The following NEBL variants were observed in gnomAD, a reference collection of about 807,000 sequenced individuals.
NEBL encodes LIM and SH3 protein 2.
Under a neutral mutation model 140.2 loss-of-function variants are expected in NEBL, and 122 were observed. The observed-to-expected ratio is 0.87, with a 90% CI of 0.75 to 1.01. NEBL has a LOEUF of 1.01. Ranked by LOEUF, NEBL falls within the 50% of genes least tolerant of loss-of-function variation. NEBL has a pLI of 0.00. For synonymous variants in NEBL, 436 were observed against 398.9 expected, an observed-to-expected ratio of 1.09 and a Z score of -1.11; for missense variants, 1,365 against 1,231.3, an observed-to-expected ratio of 1.11 and a Z score of -1.62.
intron 1 of NEBL, 32 bp from the exon 2 acceptor site, chr10:20,897,061 ACATTTTTCT>A: frequency 6.2e-7 from 1 of 1,604,768 alleles, no homozygotes; most frequent in Non-Finnish European, 8.5e-7. Context: ...AACAGAAAGA[ACATTTTTCT>A]CATTGTCAAT....
At chr10:21,129,715 TA>T (rs566164558) in intron 2 of NEBL, among the ~76,000 whole-genome samples, 30 of 145,186 alleles carry the variant, frequency 2.1e-4, no homozygotes, top group Middle Eastern at 3.4e-3. Context: ...GGGCAACCAC[TA>T]AAAAAAAAAT....
chr10:20,958,569 AC>A (rs1835912848), intron 4 of NEBL, among the ~76,000 whole-genome samples: 1 of 151,986 alleles, frequency 6.6e-6, no homozygotes, highest in African/African-American at 2.4e-5. Flanking sequence ...AAGCAACCAA[AC>A]CCCATCTGAA....
chr10:21,112,264 C>G (rs1838050218), intron 2 of NEBL, among the ~76,000 whole-genome samples: 1 of 152,194 alleles, frequency 6.6e-6, no homozygotes, highest in African/African-American at 2.4e-5. Context: ...TATTATAAAT[C>G]ATGCTACTAC....
intron 4 of NEBL, among the ~76,000 whole-genome samples, chr10:20,936,856 C>T (rs1430964214): frequency 2.0e-5 from 3 of 152,172 alleles, no homozygotes; most frequent in Non-Finnish European, 4.4e-5. Flanking sequence ...TGGGTCGATT[C>T]CTTTTCAGCA....
At chr10:21,197,763 A>T (rs567989361) in intron 3 of NEBL, among the ~76,000 whole-genome samples, 3 of 152,194 alleles carry the variant, frequency 2.0e-5, no homozygotes, top group Admixed American at 1.3e-4. Flanking sequence ...CCTTTGAGAT[A>T]TTCTTCCAGG....
intron 3 of NEBL, among the ~76,000 whole-genome samples, chr10:21,003,653 T>C (rs892117273): frequency 6.6e-6 from 1 of 152,186 alleles, no homozygotes; most frequent in East Asian, 1.9e-4. Flanking sequence ...TCGACTTCGG[T>C]TGTACACATC....
At chr10:21,023,022 G>A (rs1208621142) in intron 2 of NEBL, among the ~76,000 whole-genome samples, 1 of 152,246 alleles carries the variant, frequency 6.6e-6, no homozygotes, top group African/African-American at 2.4e-5. Context: ...AAGTTAGGCA[G>A]ACAACTCTGG....
In NEBL at chr10:20,817,154, C is replaced by T. The variant is rs538313294; in HGVS notation, c.2148+446G>A. 4.6e-5 allele frequency among the ~76,000 whole-genome samples: 7 copies of T among 152,128 alleles called. No homozygotes were observed. The East Asian group carries it at 7.7e-4, about 17-fold the overall frequency. On this transcript the variant is annotated intron_variant, in intron 21 of 27. Coordinates refer to ENST00000377122, the MANE Select transcript of NEBL (RefSeq NM_006393.3). ...CAGCACTTTGGGAGGCCAAGGTGGC[C>T]GGATTGCATGAGCTCAGGAGTTTGA...
chr10:21,055,949 C>A (rs1835005261), intron 2 of NEBL, among the ~76,000 whole-genome samples: 1 of 152,194 alleles, frequency 6.6e-6, no homozygotes, highest in African/African-American at 2.4e-5. Flanking sequence ...GCTACACGGG[C>A]AAATGCTTTG....
rs1835420875 is a variant in NEBL at position 20,786,509 on chromosome 10, G to C, written c.2869-586C>G. 3.3e-5 allele frequency among the ~76,000 whole-genome samples: 5 copies of C among 152,062 alleles called. No homozygotes were observed. The South Asian group carries it at 1.0e-3, about 32-fold the overall frequency. ...GATTATAATGAGTTTTCCTATATTT[G>C]TTTTTGTTTAAGGCTAAGCATTTAG... On this transcript the variant is annotated intron_variant, in intron 27 of 27. Transcript: ENST00000377122.
At chr10:21,036,196 C>G (rs1201423749) in intron 2 of NEBL, among the ~76,000 whole-genome samples, 2 of 152,022 alleles carry the variant, frequency 1.3e-5, no homozygotes, top group Non-Finnish European at 2.9e-5. Context: ...CACAGTGGCT[C>G]ATGCCTAAAA....
intron 1 of NEBL, among the ~76,000 whole-genome samples, chr10:21,279,291 T>A (rs932126842): frequency 0.035 from 5,166 of 146,320 alleles, 314 homozygotes; most frequent in African/African-American, 0.12. Flanking sequence ...TTTTTTCAAT[T>A]TTTTTTTTTT....
intron 3 of NEBL, among the ~76,000 whole-genome samples, chr10:20,978,348 C>T (rs1393615669): frequency 6.6e-6 from 1 of 151,178 alleles, no homozygotes; most frequent in Non-Finnish European, 1.5e-5. Context: ...GAATAGAGAG[C>T]TTATTCAAGT....
chr10:21,269,117 G>C (rs1449681019), intron 1 of NEBL, among the ~76,000 whole-genome samples: 1 of 152,194 alleles, frequency 6.6e-6, no homozygotes, highest in Admixed American at 6.5e-5. Context: ...GCACAACAGA[G>C]CAATGGAAGA....
At chr10:20,959,196 G>A (rs560895613) in intron 4 of NEBL, among the ~76,000 whole-genome samples, 2 of 152,062 alleles carry the variant, frequency 1.3e-5, no homozygotes, top group Non-Finnish European at 2.9e-5. Context: ...AAAGACTGCC[G>A]ATCTTAGTTA....
chr10:21,126,975 A>C (rs1418202887), intron 2 of NEBL, among the ~76,000 whole-genome samples: 3 of 74,744 alleles, frequency 4.0e-5, no homozygotes, highest in African/African-American at 2.6e-4. Context: ...ACCCTGTATC[A>C]AAAAAAAAAA....
At chr10:21,011,819 CT>C (rs947811240) in intron 3 of NEBL, among the ~76,000 whole-genome samples, 9 of 152,348 alleles carry the variant, frequency 5.9e-5, no homozygotes, top group Non-Finnish European at 1.2e-4. Flanking sequence ...ACATCCACCC[CT>C]GGCCCCAGGG....
chr10:21,118,977 C>T (rs773696004), intron 2 of NEBL, among the ~76,000 whole-genome samples: 16 of 152,152 alleles, frequency 1.1e-4, no homozygotes, highest in Non-Finnish European at 1.9e-4. Context: ...ATTCTTACAA[C>T]AATCTTGTGA....
chr10:20,959,709 A>G (rs944713262), intron 4 of NEBL, among the ~76,000 whole-genome samples: 15 of 152,080 alleles, frequency 9.9e-5, no homozygotes, highest in African/African-American at 3.6e-4. Flanking sequence ...AACATTTAAT[A>G]TGCCTCATAT....
Sources: gnomAD v4.1 joint callset for allele counts (sites outside exome capture counted in the v4.1 genomes callset) on GRCh38, gnomAD v4.1.1 for gene constraint, MANE v1.5 for transcripts, NCBI Gene and HGNC (gene_info 2026-07-23, HGNC 2026-07-21) for gene names.